The following GRID1 variants were observed in gnomAD, a reference collection of about 807,000 sequenced individuals.
GRID1 encodes the protein glutamate receptor ionotropic, delta-1.
A neutral mutation model predicts 98.0 loss-of-function variants in GRID1; 28 were observed. The ratio of observed to expected loss-of-function variants is 0.29; its 90% CI spans 0.21 to 0.39. The LOEUF (loss-of-function observed/expected upper bound fraction) is 0.39, where lower values mean the gene tolerates loss of function less well. Ranked by LOEUF, GRID1 falls within the 10% of genes least tolerant of loss-of-function variation. GRID1 has a pLI of 1.00. For synonymous variants in GRID1, 553 were observed against 538.5 expected (o/e 1.03, Z -0.37); for missense variants, 1,111 against 1,340.5 (o/e 0.83, Z 2.67).
At chr10:86,244,463 C>T (rs544364039) in intron 2 of GRID1, among the ~76,000 whole-genome samples, 1 of 152,244 alleles carries the variant, frequency 6.6e-6, no homozygotes, top group Non-Finnish European at 1.5e-5. Flanking sequence ...CAGATTAAAT[C>T]GGGGATAATG....
At chr10:85,963,866 C>T (rs1325468320) in intron 4 of GRID1, among the ~76,000 whole-genome samples, 1 of 152,178 alleles carries the variant, frequency 6.6e-6, no homozygotes, top group Non-Finnish European at 1.5e-5. Context: ...ACAGCACATG[C>T]AGAAATTACT....
At chr10:86,255,081 C>T (rs1870155) in intron 2 of GRID1, among the ~76,000 whole-genome samples, 117,648 of 152,146 alleles carry the variant, frequency 0.77, 46,347 homozygotes, top group Non-Finnish European at 0.83. Flanking sequence ...GTGTCTCCTG[C>T]TCCATGGGCT....
At chr10:86,335,993 A>G (rs1439568539) in intron 2 of GRID1, among the ~76,000 whole-genome samples, 1 of 152,232 alleles carries the variant, frequency 6.6e-6, no homozygotes, top group Non-Finnish European at 1.5e-5. Flanking sequence ...TATGGTTTCC[A>G]TGGGGCCTAA....
At chr10:85,819,356 G>A (rs1842742068) in intron 8 of GRID1, among the ~76,000 whole-genome samples, 1 of 152,098 alleles carries the variant, frequency 6.6e-6, no homozygotes, top group African/African-American at 2.4e-5. Flanking sequence ...ACAACTTTTT[G>A]TTACTCCCCA....
intron 4 of GRID1, among the ~76,000 whole-genome samples, chr10:85,939,921 G>T (rs1841976007): frequency 6.6e-6 from 1 of 152,022 alleles, no homozygotes; most frequent in Admixed American, 6.5e-5. Context: ...CAAAAAATTA[G>T]CTGGGCATGG....
At chr10:86,218,377 T>C (rs1564709641) in intron 2 of GRID1, among the ~76,000 whole-genome samples, 3 of 152,152 alleles carry the variant, frequency 2.0e-5, no homozygotes, top group South Asian at 4.1e-4. Context: ...AGCTGTCTAG[T>C]CTCTCCCACC....
At chr10:85,805,396 T>A (rs1228351601) in intron 8 of GRID1, among the ~76,000 whole-genome samples, 1 of 151,780 alleles carries the variant, frequency 6.6e-6, no homozygotes, top group Non-Finnish European at 1.5e-5. Flanking sequence ...AGTGAAAGAC[T>A]CAATATTGTT....
chr10:85,893,315 C>G (rs780674522), intron 5 of GRID1, among the ~76,000 whole-genome samples: 22 of 152,172 alleles, frequency 1.4e-4, no homozygotes, highest in Non-Finnish European at 1.0e-4. Flanking sequence ...CCCCTAAGAG[C>G]AGGAAAAAGG....
intron 3 of GRID1, among the ~76,000 whole-genome samples, chr10:86,197,829 C>T (rs551717753): frequency 6.6e-6 from 1 of 152,160 alleles, no homozygotes; most frequent in South Asian, 2.1e-4. Flanking sequence ...AATTAACACA[C>T]CCCAAAGTAC....
intron 4 of GRID1, among the ~76,000 whole-genome samples, chr10:86,124,528 C>T (rs1844723171): frequency 6.6e-6 from 1 of 152,196 alleles, no homozygotes; most frequent in Non-Finnish European, 1.5e-5. Context: ...CTAACCACTG[C>T]TCTACAGTGG....
At chr10:85,994,405 G>T (rs185410278) in intron 4 of GRID1, among the ~76,000 whole-genome samples, 57 of 152,232 alleles carry the variant, frequency 3.7e-4, no homozygotes, top group African/African-American at 1.1e-3. Flanking sequence ...TTAAAATCCA[G>T]CCCATTAACA....
intron 4 of GRID1, among the ~76,000 whole-genome samples, chr10:86,065,402 G>T (rs2131916468): frequency 6.6e-6 from 1 of 152,348 alleles, no homozygotes; most frequent in African/African-American, 2.4e-5. Flanking sequence ...GCCAATCTGT[G>T]CCCTCTGCCA....
At chr10:85,788,826 G>A (rs2132737544) in intron 8 of GRID1, among the ~76,000 whole-genome samples, 1 of 152,336 alleles carries the variant, frequency 6.6e-6, no homozygotes, top group Middle Eastern at 3.4e-3. Context: ...AGCCAGGAGG[G>A]CTTTCAGCTG....
chr10:86,021,380 T>A (rs1452633666), intron 4 of GRID1, among the ~76,000 whole-genome samples: 3 of 152,090 alleles, frequency 2.0e-5, no homozygotes, highest in Non-Finnish European at 4.4e-5. Context: ...CCCTGATGAG[T>A]AGGGATTAAT....
intron 8 of GRID1, among the ~76,000 whole-genome samples, chr10:85,836,374 G>A (rs1842911524): frequency 6.6e-6 from 1 of 152,026 alleles, no homozygotes; most frequent in Non-Finnish European, 1.5e-5. Context: ...ATGGAGGAAA[G>A]ACACACAAGC....
chr10:85,674,026 C>A (rs963524404), intron 12 of GRID1, among the ~76,000 whole-genome samples: 6 of 152,080 alleles, frequency 3.9e-5, no homozygotes, highest in Admixed American at 2.0e-4. Flanking sequence ...ATTTTTTTAA[C>A]CTTAGGTTAA....
chr10:86,096,969 A>G (rs1027991157), intron 4 of GRID1, among the ~76,000 whole-genome samples: 1 of 152,162 alleles, frequency 6.6e-6, no homozygotes, highest in Non-Finnish European at 1.5e-5. Context: ...CTGTTACTGC[A>G]ACTTTATGCT....
intron 4 of GRID1, among the ~76,000 whole-genome samples, chr10:86,025,164 T>C (rs1283435593): frequency 6.6e-6 from 1 of 152,210 alleles, no homozygotes; most frequent in Non-Finnish European, 1.5e-5. Flanking sequence ...ACTCAAATCC[T>C]GGCCCCCTCT....
At chr10:85,747,354 C>T (rs1842007162) in intron 8 of GRID1, among the ~76,000 whole-genome samples, 1 of 152,114 alleles carries the variant, frequency 6.6e-6, no homozygotes, top group Non-Finnish European at 1.5e-5. Flanking sequence ...TTAACTTCCA[C>T]AGTGATGAAA....
Sources: allele counts gnomAD v4.1 joint callset (sites outside exome capture counted in the v4.1 genomes callset), GRCh38; gene constraint gnomAD v4.1.1; transcripts MANE v1.5; gene names NCBI Gene and HGNC (gene_info 2026-07-23, HGNC 2026-07-21).